Variants in SHANK2 observed in about 807,000 individuals in gnomAD.
SHANK2 encodes the protein SH3 and multiple ankyrin repeat domains 2, also known as SH3 and multiple ankyrin repeat domains protein 2.
SHANK2 carries 43 observed loss-of-function variants against 133.7 expected under a neutral mutation model. That is an observed-to-expected ratio of 0.32 (90% CI 0.25 to 0.41). The LOEUF (loss-of-function observed/expected upper bound fraction) is 0.41. Ranked by LOEUF, SHANK2 falls within the 10% of genes least tolerant of loss-of-function variation. The probability of loss-of-function intolerance (pLI) is 1.00; values close to 1 mark genes in which losing one functional copy is unlikely to be tolerated. For synonymous variants in SHANK2, 1,017 were observed against 952.8 expected (o/e 1.07, Z -1.24); for missense variants, 1,994 against 2,235.8 (o/e 0.89, Z 2.18).
At chr11:70,493,010 G>C (rs2058917048) in intron 21 of SHANK2, among the ~76,000 whole-genome samples, 1 of 151,798 alleles carries the variant, frequency 6.6e-6, no homozygotes, top group Admixed American at 6.6e-5. Context: ...TGGCCAGGCT[G>C]ATCTTGAACT....
At chr11:70,663,486 C>T (rs1295376286) in intron 15 of SHANK2, among the ~76,000 whole-genome samples, 1 of 152,184 alleles carries the variant, frequency 6.6e-6, no homozygotes, top group Non-Finnish European at 1.5e-5. Flanking sequence ...GTGCTCTTCT[C>T]ACCACTCCAC....
chr11:71,062,756 G>A (rs992994862), intron 9 of SHANK2, among the ~76,000 whole-genome samples: 37 of 152,234 alleles, frequency 2.4e-4, no homozygotes, highest in Middle Eastern at 3.4e-3. Flanking sequence ...AACACTTTGG[G>A]AGGCTGAGGT....
chr11:71,179,284 G>A (rs985315894), intron 2 of SHANK2, among the ~76,000 whole-genome samples: 2 of 152,150 alleles, frequency 1.3e-5, no homozygotes, highest in Non-Finnish European at 2.9e-5. Flanking sequence ...TTCAACATTT[G>A]AAATTAACTG....
At chr11:70,573,376 A>ACC (rs1171012046) in intron 17 of SHANK2, among the ~76,000 whole-genome samples, 2 of 148,884 alleles carry the variant, frequency 1.3e-5, no homozygotes, top group African/African-American at 5.0e-5. Context: ...TGTCACCTTG[A>ACC]CCTTGGCGAT....
At chr11:70,691,652 G>A (rs1463852912) in intron 15 of SHANK2, among the ~76,000 whole-genome samples, 4 of 152,220 alleles carry the variant, frequency 2.6e-5, no homozygotes, top group Non-Finnish European at 5.9e-5. Flanking sequence ...AGCACTTTGG[G>A]AGGCTGAGGC....
intron 6 of SHANK2, among the ~76,000 whole-genome samples, chr11:71,103,556 G>A (rs1951752506): frequency 6.6e-6 from 1 of 152,190 alleles, no homozygotes; most frequent in South Asian, 2.1e-4. Context: ...TGCCGTAGTT[G>A]ATGCTGATGA....
chr11:70,704,786 T>C (rs1232421727), intron 14 of SHANK2, among the ~76,000 whole-genome samples: 1 of 152,212 alleles, frequency 6.6e-6, no homozygotes, highest in Non-Finnish European at 1.5e-5. Flanking sequence ...CCCTGGATTG[T>C]GGCTTGTGGT....
intron 17 of SHANK2, among the ~76,000 whole-genome samples, chr11:70,650,251 C>T (rs2061324618): frequency 6.6e-6 from 1 of 152,178 alleles, no homozygotes; most frequent in South Asian, 2.1e-4. Flanking sequence ...GCTCCTTGGC[C>T]CCTCCTTGTG....
At chr11:71,221,289 T>G (rs926559056) in intron 2 of SHANK2, among the ~76,000 whole-genome samples, 6 of 152,150 alleles carry the variant, frequency 3.9e-5, no homozygotes, top group South Asian at 2.1e-4. Context: ...AAAATTTCAT[T>G]TACAAAAACA....
intron 1 of SHANK2, among the ~76,000 whole-genome samples, chr11:71,249,588 T>G (rs1555125534): frequency 6.6e-6 from 1 of 152,130 alleles, no homozygotes; most frequent in Non-Finnish European, 1.5e-5. Context: ...ACCTCAGGTG[T>G]CCAGGCCCAG....
intron 17 of SHANK2, among the ~76,000 whole-genome samples, chr11:70,656,645 T>C (rs1431879037): frequency 2.0e-5 from 3 of 152,156 alleles, no homozygotes; most frequent in Non-Finnish European, 4.4e-5. Flanking sequence ...GCACCATCCA[T>C]GGGGCCACTG....
chr11:70,843,677 G>A (rs909809133), intron 11 of SHANK2, among the ~76,000 whole-genome samples: 1 of 151,870 alleles, frequency 6.6e-6, no homozygotes, highest in Non-Finnish European at 1.5e-5. Flanking sequence ...CCTTGATCTC[G>A]AGCTCCAGCC....
chr11:71,099,273 T>C (rs1029845481), intron 6 of SHANK2, among the ~76,000 whole-genome samples: 4 of 152,068 alleles, frequency 2.6e-5, no homozygotes, highest in Admixed American at 6.6e-5. Flanking sequence ...TAAATGCTTA[T>C]GAGAGAAGAA....
At chr11:70,630,022 G>A (rs1380073313) in intron 17 of SHANK2, among the ~76,000 whole-genome samples, 3 of 152,204 alleles carry the variant, frequency 2.0e-5, no homozygotes, top group Admixed American at 1.3e-4. Flanking sequence ...TCGTCTGTGG[G>A]CTTCCAGAGA....
Position 70,565,391 on chromosome 11 carries a change from G to A in SHANK2, c.2062-62460C>T, listed in dbSNP as rs782008252. 5.9e-5 allele frequency among the ~76,000 whole-genome samples: 9 copies of A among 152,282 alleles called. No individual in the cohort carries two copies. The East Asian group carries it at 7.7e-4, about 13-fold the overall frequency. On this transcript the variant is annotated intron_variant, in intron 17 of 25. Coordinates refer to ENST00000601538, the MANE Select transcript of SHANK2 (RefSeq NM_012309.5). ...CTCCCGAATAGCTGGGATTACAGGCGCGTGCCACCATGCCCGGCTAATTTT... is the reference window on the plus strand; with the variant it reads ...CTCCCGAATAGCTGGGATTACAGGCACGTGCCACCATGCCCGGCTAATTTT...
intron 17 of SHANK2, among the ~76,000 whole-genome samples, chr11:70,524,007 C>T (rs782566559): frequency 7.2e-5 from 11 of 152,160 alleles, no homozygotes; most frequent in East Asian, 1.9e-4. Context: ...ATATTTGCAG[C>T]GTGACTAGCA....
At chr11:71,061,862 C>G (rs974035329) in intron 9 of SHANK2, among the ~76,000 whole-genome samples, 59 of 152,236 alleles carry the variant, frequency 3.9e-4, no homozygotes, top group Admixed American at 2.1e-3. Flanking sequence ...TTCCCCCGCT[C>G]TGCCCCAGCT....
At chr11:70,561,541 G>T (rs1328717459) in intron 17 of SHANK2, among the ~76,000 whole-genome samples, 1 of 151,474 alleles carries the variant, frequency 6.6e-6, no homozygotes, top group Non-Finnish European at 1.5e-5. Context: ...TGTTGTTGTT[G>T]TTGCTGAGAC....
In SHANK2 at chr11:70,472,482, G is replaced by C. The variant is rs996957077; in HGVS notation, c.*387C>G. The C allele has an allele frequency of 3.4e-6, 1 of 295,098 alleles. No individual in the cohort carries two copies. Among genetic ancestry groups the C allele is most frequent in the African/African-American group, 2.2e-5 (1 of 45,784 alleles). The allele number at this position is 295,098 out of a possible 1,614,324, so 18.3% of individuals were successfully genotyped here. ...GAGAGCTGCCCGGAAAGCAGAGGACGGAGGTCTCAGGAGGTATCTAGAGTG... is the reference window on the plus strand; with the variant it reads ...GAGAGCTGCCCGGAAAGCAGAGGACCGAGGTCTCAGGAGGTATCTAGAGTG... On this transcript the variant is annotated 3_prime_UTR_variant, in exon 26 of 26. Coordinates refer to ENST00000601538, the MANE Select transcript of SHANK2 (RefSeq NM_012309.5). This position sits in a 1 kb window ranked among gnomAD's most constrained non-coding sequence, Gnocchi z 4.4.
Sources: allele counts gnomAD v4.1 joint callset (sites outside exome capture counted in the v4.1 genomes callset), GRCh38; gene constraint gnomAD v4.1.1; non-coding constraint Gnocchi (gnomAD v3.1); transcripts MANE v1.5; gene names NCBI Gene and HGNC (gene_info 2026-07-23, HGNC 2026-07-21).